Variants in SERINC5 observed in about 807,000 individuals in gnomAD.
SERINC5 encodes the protein serine incorporator 5.
Under a neutral mutation model 63.1 loss-of-function variants are expected in SERINC5, and 41 were observed. The observed-to-expected ratio is 0.65, with a 90% confidence interval of 0.51 to 0.84. SERINC5 has a LOEUF of 0.84. Among genes scored for constraint, SERINC5 ranks in the 40% least tolerant of loss-of-function variants. The pLI is 0.00. For synonymous variants in SERINC5, 222 were observed against 215.2 expected, an observed-to-expected ratio of 1.03 and a Z score of -0.28; for missense variants, 523 against 573.0, an observed-to-expected ratio of 0.91 and a Z score of 0.89.
chr5:80,216,654 C>T (rs1157138974), intron 1 of SERINC5, among the ~76,000 whole-genome samples: 3 of 152,046 alleles, frequency 2.0e-5, no homozygotes, highest in African/African-American at 4.8e-5. Context: ...AAACTCAAAA[C>T]GGAGAAGTGT....
chr5:80,180,351 G>A (rs1748338179), intron 2 of SERINC5, among the ~76,000 whole-genome samples: 1 of 152,076 alleles, frequency 6.6e-6, no homozygotes, highest in Non-Finnish European at 1.5e-5. Flanking sequence ...AAGTATCACA[G>A]AGAAAAAATA....
chr5:80,141,093 C>T lies in SERINC5; in HGVS notation c.*2570G>A, dbSNP rs1745478434. ...CTCCTCACCTGAGTATTGTATATCACAATTAATAACCATTAACATTAACTC... is the reference window on the plus strand; with the variant it reads ...CTCCTCACCTGAGTATTGTATATCATAATTAATAACCATTAACATTAACTC... On this transcript the variant is annotated 3_prime_UTR_variant, in exon 12 of 12. Coordinates refer to ENST00000507668, the MANE Select transcript of SERINC5 (RefSeq NM_001174072.3). 1 of 985,388 alleles carries T rather than the reference C, an allele frequency of 1.0e-6. No homozygotes were observed. The highest frequency in any genetic ancestry group is 1.2e-6 in the Non-Finnish European group (1 of 829,890). The allele number at this position is 985,388 out of a possible 1,614,324, so 61.0% of individuals were successfully genotyped here.
intron 11 of SERINC5, among the ~76,000 whole-genome samples, chr5:80,119,719 T>C (rs1261936201): frequency 6.6e-6 from 1 of 152,240 alleles, no homozygotes; most frequent in African/African-American, 2.4e-5. Flanking sequence ...GGGAAAGCTG[T>C]TCTGGTATAT....
At chr5:80,189,552 T>C (rs1269473536) in intron 2 of SERINC5, among the ~76,000 whole-genome samples, 1 of 152,192 alleles carries the variant, frequency 6.6e-6, no homozygotes, top group Non-Finnish European at 1.5e-5. Context: ...TGCCCTGAGG[T>C]GAACACGGCT....
chr5:80,207,240 C>T (rs961868397), intron 1 of SERINC5, among the ~76,000 whole-genome samples: 3 of 152,086 alleles, frequency 2.0e-5, no homozygotes, highest in African/African-American at 7.2e-5. Flanking sequence ...CCTTGTAATC[C>T]GCCGTCTCGG....
At chr5:80,192,622 T>C (rs1749258954) in intron 2 of SERINC5, among the ~76,000 whole-genome samples, 1 of 152,078 alleles carries the variant, frequency 6.6e-6, no homozygotes, top group Non-Finnish European at 1.5e-5. Context: ...ACACACCCCA[T>C]GGAACCAAAA....
intron 2 of SERINC5, among the ~76,000 whole-genome samples, chr5:80,199,088 G>A (rs1749674698): frequency 6.6e-6 from 1 of 152,124 alleles, no homozygotes; most frequent in African/African-American, 2.4e-5. Context: ...ACTTGCCACA[G>A]ACCACATTCA....
chr5:80,209,413 A>G (rs1750329827), intron 1 of SERINC5, among the ~76,000 whole-genome samples: 1 of 152,240 alleles, frequency 6.6e-6, no homozygotes, highest in Non-Finnish European at 1.5e-5. Flanking sequence ...GAGAGGCCTC[A>G]GAAGAAAGTG....
intron 1 of SERINC5, among the ~76,000 whole-genome samples, chr5:80,250,226 G>A (rs938580499): frequency 3.3e-5 from 5 of 151,974 alleles, no homozygotes; most frequent in African/African-American, 1.2e-4. Flanking sequence ...AATTCTGTGA[G>A]GACTCTCAAA....
intron 2 of SERINC5, among the ~76,000 whole-genome samples, chr5:80,197,514 T>C (rs145750305): frequency 6.6e-6 from 1 of 152,148 alleles, no homozygotes; most frequent in East Asian, 1.9e-4. Context: ...GAGTGTAATG[T>C]GGAATGAAGG....
rs1286088290 is a variant in SERINC5, at chr5:80,218,884, A to G, written c.28-15831T>C. 2.0e-5 allele frequency among the ~76,000 whole-genome samples: 3 copies of G among 152,060 alleles called. No individual in the cohort carries two copies. The East Asian group carries it at 5.8e-4, about 29-fold the overall frequency. On this transcript the variant is annotated intron_variant, in intron 1 of 11. Transcript: ENST00000507668. ...CAAAAGAACACCTCTGACCCATTCCACTGCCCAGTAACAATATGTTTCTCT... is the reference window on the plus strand; with the variant it reads ...CAAAAGAACACCTCTGACCCATTCCGCTGCCCAGTAACAATATGTTTCTCT...
chr5:80,177,872 A>C lies in SERINC5; in HGVS notation c.374+14T>G. 1.9e-6 allele frequency: 3 copies of C among 1,592,026 alleles called. No homozygotes were observed. Among genetic ancestry groups the C allele is most frequent in the Non-Finnish European group, 1.7e-6 (2 of 1,170,142 alleles). ...AAAGGAGAAAGCAATCCCCAAGAAG[A>C]CTAAAATACTTACCCATTGTGAATA... On this transcript the variant is annotated intron_variant, in intron 3 of 11. Coordinates refer to ENST00000507668, the MANE Select transcript of SERINC5 (RefSeq NM_001174072.3).
chr5:80,138,753 A>G lies in SERINC5; in HGVS notation c.*4910T>C. On this transcript the variant is annotated 3_prime_UTR_variant, in exon 12 of 12. Coordinates refer to ENST00000507668, the MANE Select transcript of SERINC5 (RefSeq NM_001174072.3). ...TGCACACCACAGATATATATCTTTT[A>G]TTTGTCAATTAAAGGATCAGCATAG... The G allele has an allele frequency of 1.1e-6, 1 of 924,678 alleles. No individual in the cohort carries two copies. Among genetic ancestry groups the G allele is most frequent in the Non-Finnish European group, 1.3e-6 (1 of 774,654 alleles). 57.3% of individuals were successfully genotyped at this position (924,678 alleles called of 1,614,324 possible). A position where few individuals can be genotyped will look rare whatever the true frequency, so the allele number is the denominator to read the frequency against.
In SERINC5 at chr5:80,143,566, C is replaced by A; in HGVS notation, c.*97G>T. ...CTCTCAAAGCTTTTTCAGACCCACTCAGGCACAGGGCGCCAGTCCCTGCCC... is the reference window on the plus strand; with the variant it reads ...CTCTCAAAGCTTTTTCAGACCCACTAAGGCACAGGGCGCCAGTCCCTGCCC... On this transcript the variant is annotated 3_prime_UTR_variant, in exon 12 of 12. Transcript: ENST00000507668. The A allele has an allele frequency of 7.1e-7, 1 of 1,405,416 alleles. No homozygotes were observed. Among genetic ancestry groups the A allele is most frequent in the Non-Finnish European group, 9.3e-7 (1 of 1,079,730 alleles). 87.1% of individuals were successfully genotyped at this position (1,405,416 alleles called of 1,614,324 possible). A position where few individuals can be genotyped will look rare whatever the true frequency, so the allele number is the denominator to read the frequency against.
intron 1 of SERINC5, among the ~76,000 whole-genome samples, chr5:80,208,572 A>G (rs960942921): frequency 1.3e-5 from 2 of 152,064 alleles, no homozygotes; most frequent in Non-Finnish European, 2.9e-5. Flanking sequence ...GCTATACTCA[A>G]TTTCCCACGC....
At chr5:80,116,451 T>C (rs1382979264) in intron 11 of SERINC5, 1 of 410,838 alleles carries the variant, frequency 2.4e-6, no homozygotes, top group Non-Finnish European at 4.8e-6. Flanking sequence ...ATTTTCTCCG[T>C]TCCCTTCCCT....
chr5:80,195,429 G>A (rs752693478), intron 2 of SERINC5, among the ~76,000 whole-genome samples: 44 of 151,818 alleles, frequency 2.9e-4, no homozygotes, highest in Non-Finnish European at 5.4e-4. Flanking sequence ...TGTTTTCTCT[G>A]TAGAACACTT....
chr5:80,199,000 C>T (rs1367347801), intron 2 of SERINC5, among the ~76,000 whole-genome samples: 1 of 152,206 alleles, frequency 6.6e-6, no homozygotes, highest in East Asian at 1.9e-4. Context: ...CCACCACTAC[C>T]TCTAGGCTCA....
chr5:80,171,526 A>T (rs114817289), intron 5 of SERINC5, among the ~76,000 whole-genome samples: 532 of 152,250 alleles, frequency 3.5e-3, no homozygotes, highest in African/African-American at 0.012. Flanking sequence ...GGAAAATTTG[A>T]CATTAAAAAA....
Sources: gnomAD v4.1 joint callset for allele counts (sites outside exome capture counted in the v4.1 genomes callset) on GRCh38, gnomAD v4.1.1 for gene constraint, MANE v1.5 for transcripts, NCBI Gene and HGNC (gene_info 2026-07-23, HGNC 2026-07-21) for gene names.